CSPP1: variants seen among roughly 807,000 people sequenced by gnomAD.
CSPP1 encodes centrosome and spindle pole associated protein 1.
A neutral mutation model predicts 164.4 loss-of-function variants in CSPP1; 126 were observed. The ratio of observed to expected loss-of-function variants is 0.77; its 90% CI spans 0.66 to 0.89. The LOEUF (loss-of-function observed/expected upper bound fraction) is 0.89. CSPP1 is among the 40% of genes least tolerant of loss of function. CSPP1 has a pLI of 0.00. For missense variants in CSPP1, 1,395 were observed against 1,449.8 expected (o/e 0.96, Z 0.61); for synonymous variants, 472 against 476.7 (o/e 0.99, Z 0.13).
chr8:67,105,507 A>G (rs992254684), intron 8 of CSPP1, among the ~76,000 whole-genome samples: 2 of 151,944 alleles, frequency 1.3e-5, no homozygotes, highest in Non-Finnish European at 2.9e-5. Context: ...CAGCCTCCTG[A>G]GTAGCTGGGA....
intron 7 of CSPP1, among the ~76,000 whole-genome samples, chr8:67,099,752 A>G (rs1171131488): frequency 6.6e-6 from 1 of 152,192 alleles, no homozygotes; most frequent in Non-Finnish European, 1.5e-5. Context: ...GGGTGATTAA[A>G]TGCTAAATTT....
At chr8:67,093,940 A>C (rs886457483) in intron 6 of CSPP1, among the ~76,000 whole-genome samples, 4 of 151,546 alleles carry the variant, frequency 2.6e-5, no homozygotes, top group African/African-American at 9.7e-5. Flanking sequence ...ATTCCTAGCT[A>C]TGTTTGTTTT....
At chr8:67,191,009 T>C (rs558372763) in intron 29 of CSPP1, among the ~76,000 whole-genome samples, 3 of 152,194 alleles carry the variant, frequency 2.0e-5, no homozygotes, top group Non-Finnish European at 4.4e-5. Context: ...ATCCCAACCT[T>C]CCTTCTTCTC....
chr8:67,064,876 G>C, intron 1 of CSPP1: 1 of 207,372 alleles, frequency 4.8e-6, no homozygotes, highest in Non-Finnish European at 9.9e-6. Context: ...GCCGGGGTCG[G>C]GGAGGTTCCC....
chr8:67,081,929 T>G (rs1413729282), intron 3 of CSPP1, among the ~76,000 whole-genome samples: 1 of 152,218 alleles, frequency 6.6e-6, no homozygotes, highest in Non-Finnish European at 1.5e-5. Flanking sequence ...TTTGTAGAGA[T>G]AGAGTCTTGG....
intron 10 of CSPP1, among the ~76,000 whole-genome samples, 191 bp from the exon 11 acceptor site, chr8:67,113,614 C>T (rs1485921850): frequency 1.3e-5 from 2 of 151,994 alleles, no homozygotes; most frequent in African/African-American, 4.8e-5. Context: ...CATGTGAATT[C>T]TAGTTTACTT....
intron 5 of CSPP1, among the ~76,000 whole-genome samples, 193 bp from the exon 6 acceptor site, chr8:67,093,350 T>A (rs1812020302): frequency 6.6e-6 from 1 of 152,208 alleles, no homozygotes; most frequent in African/African-American, 2.4e-5. Context: ...GGGAGCTGTA[T>A]GTGTGTCCTC....
intron 17 of CSPP1, among the ~76,000 whole-genome samples, chr8:67,145,436 G>A (rs901766446): frequency 4.7e-5 from 7 of 150,384 alleles, no homozygotes; most frequent in Admixed American, 2.0e-4. Context: ...TTTTCTTCTT[G>A]TTTCAGTGAT....
intron 30 of CSPP1, among the ~76,000 whole-genome samples, chr8:67,194,789 A>ACAAT (rs1308056924): frequency 1.6e-4 from 24 of 152,316 alleles, no homozygotes; most frequent in East Asian, 3.9e-4. Context: ...GAAGTTGCGT[A>ACAAT]CAATCAATCA....
chr8:67,103,214 A>T, intron 8 of CSPP1, 79 bp downstream of exon 8: 3 of 773,038 alleles, frequency 3.9e-6, no homozygotes, highest in Non-Finnish European at 6.5e-6. Context: ...CTAACTGAAA[A>T]AGTAGAAAGA....
intron 17 of CSPP1, among the ~76,000 whole-genome samples, chr8:67,146,185 C>T (rs187962974): frequency 2.9e-4 from 43 of 149,554 alleles, no homozygotes; most frequent in African/African-American, 1.1e-3. Context: ...TGCAATGGCA[C>T]GGTCATGCCT....
chr8:67,182,554 A>T (rs1833319619), intron 28 of CSPP1, among the ~76,000 whole-genome samples: 1 of 152,136 alleles, frequency 6.6e-6, no homozygotes, highest in Admixed American at 6.5e-5. Context: ...TTATTTGAAG[A>T]CTCACCACAT....
chr8:67,112,735 CA>C (rs1817123268), intron 10 of CSPP1, among the ~76,000 whole-genome samples: 1 of 152,176 alleles, frequency 6.6e-6, no homozygotes, highest in Admixed American at 6.5e-5. Flanking sequence ...CCAGTAGATC[CA>C]GCACACTGTG....
chr8:67,160,967 C>T (rs1412899537), intron 21 of CSPP1, among the ~76,000 whole-genome samples: 1 of 152,106 alleles, frequency 6.6e-6, no homozygotes, highest in African/African-American at 2.4e-5. Context: ...GCTGGAATTA[C>T]AGGTGCAAAC....
chr8:67,136,104 A>G (rs1194546811), intron 16 of CSPP1, among the ~76,000 whole-genome samples: 1 of 152,222 alleles, frequency 6.6e-6, no homozygotes, highest in Non-Finnish European at 1.5e-5. Flanking sequence ...AACACTAAAG[A>G]TCAGCAATCA....
At chr8:67,073,765 G>A (rs1233007836) in intron 1 of CSPP1, among the ~76,000 whole-genome samples, 1 of 152,176 alleles carries the variant, frequency 6.6e-6, no homozygotes, top group African/African-American at 2.4e-5. Context: ...TTGTGTTTGT[G>A]TGTATGGAGA....
chr8:67,184,793 G>C (rs1834023692), intron 28 of CSPP1, among the ~76,000 whole-genome samples: 1 of 146,616 alleles, frequency 6.8e-6, no homozygotes. Flanking sequence ...TATCACTACA[G>C]GTCCCATGAA....
intron 4 of CSPP1, among the ~76,000 whole-genome samples, chr8:67,087,670 C>T (rs1469391801): frequency 6.6e-6 from 1 of 152,124 alleles, no homozygotes; most frequent in African/African-American, 2.4e-5. Flanking sequence ...GGTTTACCAG[C>T]CTGACTGGGT....
Position 67,077,834 on chromosome 8 carries a change from A to G in CSPP1, c.199+1253A>G, listed in dbSNP as rs368939506. ...AAGGGGATGCCGGCCAAGAAACTGG[A>G]TAGTCAGTAAGCTTTGTCTCTGCAT... On this transcript the variant is annotated intron_variant, in intron 3 of 30. Transcript: ENST00000678616. Among the ~76,000 whole-genome samples, 12 of 152,332 alleles carry G rather than the reference A, an allele frequency of 7.9e-5. No homozygotes were observed. In the East Asian group the frequency reaches 2.3e-3, roughly 29 times the overall value.
Sources: allele counts gnomAD v4.1 joint callset (sites outside exome capture counted in the v4.1 genomes callset), GRCh38; gene constraint gnomAD v4.1.1; transcripts MANE v1.5; gene names NCBI Gene and HGNC (gene_info 2026-07-23, HGNC 2026-07-21).